Variants in KIAA1217 observed in about 807,000 individuals in gnomAD.
KIAA1217 encodes the protein sickle tail protein homolog.
A neutral mutation model predicts 163.9 loss-of-function variants in KIAA1217; 88 were observed. The ratio of observed to expected loss-of-function variants is 0.54; its 90% confidence interval spans 0.45 to 0.64. The LOEUF is 0.64. Among genes scored for constraint, KIAA1217 ranks in the 30% least tolerant of loss-of-function variants. The pLI, the probability that KIAA1217 is intolerant of heterozygous loss-of-function variation, is 0.00. For synonymous variants in KIAA1217, 903 were observed against 923.1 expected, an observed-to-expected ratio of 0.98 and a Z score of 0.39; for missense variants, 2,372 against 2,475.0, an observed-to-expected ratio of 0.96 and a Z score of 0.88.
chr10:24,189,112 AAAAAAAAG>A (rs2066589684), intron 2 of KIAA1217, among the ~76,000 whole-genome samples: 2 of 149,010 alleles, frequency 1.3e-5, no homozygotes, highest in South Asian at 2.2e-4. Context: ...TCTCAAAAAA[AAAAAAAAG>A]AAAAGAAAAA....
intron 2 of KIAA1217, among the ~76,000 whole-genome samples, chr10:24,138,583 A>G (rs932625608): frequency 2.0e-4 from 29 of 146,598 alleles, no homozygotes; most frequent in Admixed American, 1.4e-4. Flanking sequence ...TAAAATGGAT[A>G]TTATATAATC....
Position 24,088,274 on chromosome 10 carries a change from T to TATACAC in KIAA1217, c.-171+80901_-171+80902insTACACA, listed in dbSNP as rs1285415158. ...TAATATACATATATATATATATATA[T>TATACAC]ACACACATATATGTGTATATATATA... On this transcript the variant is annotated intron_variant, in intron 2 of 18. Coordinates refer to the KIAA1217 transcript ENST00000376462. Among the ~76,000 whole-genome samples the TATACAC allele has an allele frequency of 1.9e-4, 20 of 107,240 alleles. 7 individuals carry two copies. Among genetic ancestry groups the TATACAC allele is most frequent in the Non-Finnish European group, 3.3e-4 (15 of 45,842 alleles). The allele number at this position is 107,240 out of a possible 152,430, so 70.4% of individuals were successfully genotyped here.
rs144510957 is a variant in KIAA1217 at position 24,288,103 on chromosome 10, A to G, written c.354+68194A>G. On this transcript the variant is annotated intron_variant, in intron 2 of 20. Transcript: ENST00000376454. ...GTACTACAGGATTTTTTAAAATGAC[A>G]TAGTAGACACCCTACTCAGAAGCCT... Among the ~76,000 whole-genome samples, 780 of 152,326 alleles carry G rather than the reference A, an allele frequency of 5.1e-3. 7 individuals carry two copies. Among genetic ancestry groups the G allele is most frequent in the Middle Eastern group, 0.014 (4 of 294 alleles).
chr10:24,199,796 T>G (rs112127161), intron 2 of KIAA1217, among the ~76,000 whole-genome samples: 42 of 152,208 alleles, frequency 2.8e-4, no homozygotes, highest in African/African-American at 8.7e-4. Flanking sequence ...TTTCATAGAT[T>G]ATGACTGGCT....
chr10:24,205,375 T>C (rs1011426655), upstream of KIAA1217, among the ~76,000 whole-genome samples: 6 of 147,506 alleles, frequency 4.1e-5, no homozygotes, highest in Non-Finnish European at 5.9e-5. Context: ...CTCAGGATGC[T>C]GAAGCGGGAC....
intron 9 of KIAA1217, among the ~76,000 whole-genome samples, chr10:24,505,783 A>T (rs1200919232): frequency 1.3e-5 from 2 of 152,148 alleles, no homozygotes; most frequent in Non-Finnish European, 2.9e-5. Context: ...AGGAGGTAAA[A>T]TATCAACATA....
intron 1 of KIAA1217, among the ~76,000 whole-genome samples, chr10:23,847,493 G>T (rs1224619051): frequency 6.6e-6 from 1 of 152,120 alleles, no homozygotes. Context: ...ATTTCTTCTA[G>T]ATTTTCTAGT....
intron 1 of KIAA1217, among the ~76,000 whole-genome samples, chr10:23,917,917 T>C (rs1263735164): frequency 6.6e-6 from 1 of 152,184 alleles, no homozygotes; most frequent in Non-Finnish European, 1.5e-5. Context: ...TGTATGTTCG[T>C]ATAGAGAGAT....
chr10:23,767,702 T>C (rs1834604479), intron 1 of KIAA1217, among the ~76,000 whole-genome samples: 1 of 152,138 alleles, frequency 6.6e-6, no homozygotes, highest in African/African-American at 2.4e-5. Flanking sequence ...GGAGGTGCCA[T>C]TCACTGGTGA....
intron 3 of KIAA1217, among the ~76,000 whole-genome samples, chr10:24,425,545 TAC>T (rs2059108859): frequency 2.6e-5 from 4 of 152,228 alleles, no homozygotes; most frequent in South Asian, 2.1e-4. Flanking sequence ...TTTAATAAAA[TAC>T]AGTTTTTTCA....
intron 1 of KIAA1217, among the ~76,000 whole-genome samples, chr10:23,995,197 A>G (rs896378591): frequency 4.6e-5 from 7 of 152,140 alleles, no homozygotes. Context: ...CGGGGAGATC[A>G]TGGTCTCCTG....
At chr10:24,419,886 G>A (rs966739789) in intron 3 of KIAA1217, among the ~76,000 whole-genome samples, 25 of 151,866 alleles carry the variant, frequency 1.6e-4, no homozygotes, top group African/African-American at 4.6e-4. Flanking sequence ...TATAAGTTTC[G>A]GTGTTCACTC....
chr10:24,460,915 G>C (rs904458792), intron 5 of KIAA1217, among the ~76,000 whole-genome samples: 1 of 152,186 alleles, frequency 6.6e-6, no homozygotes, highest in African/African-American at 2.4e-5. Context: ...AAACCTACTA[G>C]GGAGCAATTG....
At chr10:24,292,731 G>T (rs2079209180) in intron 2 of KIAA1217, among the ~76,000 whole-genome samples, 1 of 152,148 alleles carries the variant, frequency 6.6e-6, no homozygotes, top group Admixed American at 6.5e-5. Flanking sequence ...ATTGACATGG[G>T]CTGTTTCAAG....
intron 2 of KIAA1217, among the ~76,000 whole-genome samples, chr10:24,157,378 A>G (rs1301325896): frequency 2.0e-5 from 3 of 152,314 alleles, no homozygotes; most frequent in East Asian, 3.9e-4. Context: ...AGCTCTTTCT[A>G]TATTCTAGAT....
At chr10:23,789,984 CAT>C (rs1564421227) in intron 1 of KIAA1217, among the ~76,000 whole-genome samples, 1 of 90,130 alleles carries the variant, frequency 1.1e-5, no homozygotes, top group East Asian at 2.8e-4. Flanking sequence ...CATATATACA[CAT>C]ATACATATAC....
chr10:24,113,684 G>C (rs1490143950), intron 2 of KIAA1217, among the ~76,000 whole-genome samples: 1 of 152,166 alleles, frequency 6.6e-6, no homozygotes, highest in Non-Finnish European at 1.5e-5. Context: ...CCGGGAAGAC[G>C]AGGACCAGGA....
chr10:24,220,052 C>A, intron 2 of KIAA1217, 143 bp downstream of exon 2: 1 of 874,516 alleles, frequency 1.1e-6, no homozygotes, highest in Non-Finnish European at 1.6e-6. Context: ...TCTTTGGGGC[C>A]TTGGGAGGAG....
intron 1 of KIAA1217, among the ~76,000 whole-genome samples, chr10:23,736,996 T>C (rs920674408): frequency 1.8e-4 from 28 of 152,204 alleles, no homozygotes; most frequent in African/African-American, 6.0e-4. Flanking sequence ...AATTCAAAGA[T>C]CAATTTGAAA....
Sources: gnomAD v4.1 joint callset for allele counts (sites outside exome capture counted in the v4.1 genomes callset) on GRCh38, gnomAD v4.1.1 for gene constraint, MANE v1.5 for transcripts, NCBI Gene and HGNC (gene_info 2026-07-23, HGNC 2026-07-21) for gene names.